Variants in TNFSF9 observed in about 807,000 individuals in gnomAD.
TNFSF9 encodes TNF superfamily member 9, also known as tumor necrosis factor ligand superfamily member 9.
TNFSF9 carries 10 observed loss-of-function variants against 10.3 expected under a neutral mutation model. That is an observed-to-expected ratio of 0.97 (90% CI 0.60 to 1.65). TNFSF9 has a LOEUF of 1.65. Ranked by LOEUF, TNFSF9 falls within the 40% of genes most tolerant of loss-of-function variation. The pLI, the probability that TNFSF9 is intolerant of heterozygous loss-of-function variation, is 0.00. For missense variants in TNFSF9, 361 were observed against 348.9 expected (o/e 1.03, Z -0.28); for synonymous variants, 195 against 176.1 (o/e 1.11, Z -0.85).
Position 6,534,638 on chromosome 19 carries a change from C to G in TNFSF9, c.337C>G (p.Pro113Ala), listed in dbSNP as rs751654750. 4 of 1,585,164 alleles carry G rather than the reference C, an allele frequency of 2.5e-6. No individual in the cohort carries two copies. In the East Asian group the frequency reaches 9.2e-5, roughly 37 times the overall value. ...TGGGCCCCTGAGCTGGTACAGTGAC[C>G]CAGGCCTGGCAGGCGTGTCCCTGAC... ...IDGPLSWYSD[P>A]GLAGVSLTGG... The change falls in exon 3 of 3, where the codon CCA (proline) becomes GCA (alanine). Residue 113 changes from proline (P) to alanine (A), a missense_variant. By Grantham distance (27) the Pro-to-Ala change is conservative (BLOSUM62 -1). Coordinates refer to ENST00000245817, the MANE Select transcript of TNFSF9 (RefSeq NM_003811.4).
Position 6,535,922 on chromosome 19 carries a change from C to G in TNFSF9, c.*856C>G, listed in dbSNP as rs1486603395. Reference sequence around the variant, plus strand: ...TTTATAATAAACACTCATTTTTCCTCCCTCTGGAGAGTTGGTTGTTAAATT... The same window carrying G: ...TTTATAATAAACACTCATTTTTCCTGCCTCTGGAGAGTTGGTTGTTAAATT... On this transcript the variant is annotated 3_prime_UTR_variant, in exon 3 of 3. Transcript: ENST00000245817. 6.6e-6 allele frequency: 1 copy of G among 152,172 alleles called. No individual in the cohort carries two copies. The highest frequency in any genetic ancestry group is 1.5e-5 in the Non-Finnish European group (1 of 68,046). 9.4% of individuals were successfully genotyped at this position (152,172 alleles called of 1,614,324 possible). A position where few individuals can be genotyped will look rare whatever the true frequency, so the allele number is the denominator to read the frequency against.
Position 6,532,796 on chromosome 19 carries a change from C to T in TNFSF9, c.278C>T (p.Ala93Val), listed in dbSNP as rs749056775. The change falls in exon 2 of 3, where the codon GCG (alanine) becomes GTG (valine). Residue 93 changes from alanine to valine, a missense_variant. Physicochemically the swap from Ala to Val is moderately conservative, Grantham distance 64 (BLOSUM62 0). Transcript: ENST00000245817. ...TTCTACTTTTAACAGGGCATGTTTGCGCAGCTGGTGGCCCAAAATGGTAAG... is the reference window on the plus strand; with the variant it reads ...TTCTACTTTTAACAGGGCATGTTTGTGCAGCTGGTGGCCCAAAATGGTAAG... ...GLLDLRQGMF[A>V]QLVAQNVLLI... 3.1e-6 allele frequency: 5 copies of T among 1,613,644 alleles called. No homozygotes were observed. The highest frequency in any genetic ancestry group is 3.3e-5 in the Admixed American group (2 of 59,960).
chr19:6,535,059 C>T lies in TNFSF9; in HGVS notation c.758C>T (p.Ser253Leu), dbSNP rs1441783521. 7 of 1,557,086 alleles carry T rather than the reference C, an allele frequency of 4.5e-6. No individual in the cohort carries two copies. Among genetic ancestry groups the T allele is most frequent in the African/African-American group, 2.7e-5 (2 of 73,472 alleles). The change falls in exon 3 of 3, where the codon TCG (serine) becomes TTG (leucine). Residue 253 changes from serine to leucine, a missense_variant. By Grantham distance (145) the Ser-to-Leu change is moderately radical. Transcript: ENST00000245817. Reference sequence around the variant, plus strand: ...CCAGCCGGACTCCCTTCACCGAGGTCGGAATAACGTCCAGCCTGGGTGCAG... The same window carrying T: ...CCAGCCGGACTCCCTTCACCGAGGTTGGAATAACGTCCAGCCTGGGTGCAG... ...EIPAGLPSPR[S>L]E
chr19:6,532,843 C>T (rs377758173), intron 2 of TNFSF9, 27 bp downstream of exon 2: 4 of 1,613,514 alleles, frequency 2.5e-6, no homozygotes, highest in South Asian at 2.2e-5. Context: ...ACTTCCGGTC[C>T]CTGGCCCCCC....
rs372558158 is a variant in TNFSF9, at chr19:6,534,629, T to C, written c.328T>C (p.Tyr110His). Residue 110 changes from tyrosine (Y) to histidine (H), a missense_variant, in exon 3 of 3, where the codon TAC becomes CAC. Physicochemically the swap from Tyr to His is moderately conservative, Grantham distance 83 (BLOSUM62 2). Coordinates refer to ENST00000245817, the MANE Select transcript of TNFSF9 (RefSeq NM_003811.4). ...GCTGATCGATGGGCCCCTGAGCTGGTACAGTGACCCAGGCCTGGCAGGCGT... is the reference window on the plus strand; with the variant it reads ...GCTGATCGATGGGCCCCTGAGCTGGCACAGTGACCCAGGCCTGGCAGGCGT... ...VLLIDGPLSW[Y>H]SDPGLAGVSL... 1.3e-6 allele frequency: 2 copies of C among 1,581,552 alleles called. No individual in the cohort carries two copies. Among genetic ancestry groups the C allele is most frequent in the Non-Finnish European group, 1.7e-6 (2 of 1,164,394 alleles).
rs1396996641 is a variant in TNFSF9 at position 6,532,797 on chromosome 19, G to A, written c.279G>A (p.Ala93=). The A allele has an allele frequency of 7.4e-6, 12 of 1,613,638 alleles. No homozygotes were observed. Among genetic ancestry groups the A allele is most frequent in the Middle Eastern group, 1.6e-4 (1 of 6,076 alleles). The change falls in exon 2 of 3, where the codon GCG becomes GCA. Residue 93 remains alanine (A), a synonymous_variant. Transcript: ENST00000245817. ...GLLDLRQGMF[A]QLVAQNVLLI... ...TCTACTTTTAACAGGGCATGTTTGC[G>A]CAGCTGGTGGCCCAAAATGGTAAGT...
In TNFSF9 at chr19:6,531,139, C is replaced by T; in HGVS notation, c.103C>T (p.Leu35=). Residue 35 remains leucine, a synonymous_variant, in exon 1 of 3, where the codon CTG becomes TTG. Coordinates refer to ENST00000245817, the MANE Select transcript of TNFSF9 (RefSeq NM_003811.4). ...ACTGCCTTGGGCCCTGGTCGCGGGG[C>T]TGCTGCTGCTGCTGCTGCTCGCTGC... is the stretch of plus-strand genomic sequence containing the variant. ...RVLPWALVAG[L]LLLLLLAAAC... is the part of the protein sequence containing the mutation. 6.4e-7 allele frequency: 1 copy of T among 1,574,020 alleles called. No individual in the cohort carries two copies. Among genetic ancestry groups the T allele is most frequent in the Non-Finnish European group, 8.6e-7 (1 of 1,161,940 alleles).
In TNFSF9 at chr19:6,534,800, C is replaced by T; in HGVS notation, c.499C>T (p.Leu167=). The change falls in exon 3 of 3, where the codon CTG becomes TTG. Residue 167 remains leucine (L), a synonymous_variant. Transcript: ENST00000245817. ...AGGCTCCGTTTCACTTGCGCTGCAC[C>T]TGCAGCCACTGCGCTCTGCTGCTGG... ...GSGSVSLALH[L]QPLRSAAGAA... is the part of the protein sequence containing the mutation. The T allele has an allele frequency of 1.9e-6, 3 of 1,600,830 alleles. No homozygotes were observed. In the South Asian group the frequency reaches 3.4e-5, roughly 18 times the overall value.
Position 6,535,095 on chromosome 19 carries a change from C to G in TNFSF9, c.*29C>G. ...CCAGCCTGGGTGCAGCCCACCTGGA[C>G]AGAGTCCGAATCCTACTCCATCCTT... On this transcript the variant is annotated 3_prime_UTR_variant, in exon 3 of 3. Coordinates refer to ENST00000245817, the MANE Select transcript of TNFSF9 (RefSeq NM_003811.4). 4.0e-6 allele frequency: 6 copies of G among 1,499,586 alleles called. No individual in the cohort carries two copies. The highest frequency in any genetic ancestry group is 5.3e-6 in the Non-Finnish European group (6 of 1,124,022). 92.9% of individuals were successfully genotyped at this position (1,499,586 alleles called of 1,614,324 possible). A position where few individuals can be genotyped will look rare whatever the true frequency, so the allele number is the denominator to read the frequency against.
chr19:6,531,155 T>C lies in TNFSF9; in HGVS notation c.119T>C (p.Leu40Pro). 6.2e-7 allele frequency: 1 copy of C among 1,602,982 alleles called. No homozygotes were observed. The highest frequency in any genetic ancestry group is 1.7e-5 in the Admixed American group (1 of 59,134). The change falls in exon 1 of 3, where the codon CTG (leucine) becomes CCG (proline). Residue 40 changes from leucine (L) to proline (P), a missense_variant. By Grantham distance (98) the Leu-to-Pro change is moderately conservative. Coordinates refer to ENST00000245817, the MANE Select transcript of TNFSF9 (RefSeq NM_003811.4). ...GTCGCGGGGCTGCTGCTGCTGCTGC[T>C]GCTCGCTGCCGCCTGCGCCGTCTTC... ...ALVAGLLLLL[L>P]LAAACAVFLA... is the part of the protein sequence containing the mutation.
intron 2 of TNFSF9, among the ~76,000 whole-genome samples, chr19:6,533,192 C>G (rs1915185359): frequency 1.3e-5 from 2 of 150,994 alleles, no homozygotes; most frequent in Non-Finnish European, 3.0e-5. Context: ...CTCTCCCAGC[C>G]TCTCTTCCCT....
At chr19:6,532,864 C>A in intron 2 of TNFSF9, 48 bp downstream of exon 2, 1 of 1,612,708 alleles carries the variant, frequency 6.2e-7, no homozygotes, top group Non-Finnish European at 8.5e-7. Context: ...ACCATCCCCA[C>A]CCCGGGATAC....
In TNFSF9 at chr19:6,531,033, C is replaced by T. The variant is rs763754219; in HGVS notation, c.-4C>T. 8 of 1,608,386 alleles carry T rather than the reference C, an allele frequency of 5.0e-6. No individual in the cohort carries two copies. Among genetic ancestry groups the T allele is most frequent in the Admixed American group, 3.4e-5 (2 of 59,674 alleles). ...CGCGCTGTGTCTTCCCGCAGTCTCT[C>T]GTCATGGAATACGCCTCTGACGCTT... On this transcript the variant is annotated 5_prime_UTR_variant, in exon 1 of 3. Coordinates refer to ENST00000245817, the MANE Select transcript of TNFSF9 (RefSeq NM_003811.4).
intron 1 of TNFSF9, 115 bp from the exon 2 acceptor site, chr19:6,532,671 G>A (rs1173785018): frequency 5.0e-6 from 7 of 1,405,836 alleles, no homozygotes; most frequent in East Asian, 2.3e-5. Context: ...GAAGGGAAGC[G>A]TAGGCTTCAG....
chr19:6,532,698 G>A (rs1915176086), intron 1 of TNFSF9, 88 bp from the exon 2 acceptor site: 2 of 1,597,556 alleles, frequency 1.3e-6, no homozygotes, highest in Non-Finnish European at 1.7e-6. Context: ...ACAGACTCTG[G>A]GGACCCTGAC....
At chr19:6,532,637 G>T (rs3097295) in intron 1 of TNFSF9, 149 bp from the exon 2 acceptor site, 15 of 960,064 alleles carry the variant, frequency 1.6e-5, no homozygotes, top group Non-Finnish European at 6.6e-6. Context: ...GTGTGTGTGC[G>T]GTCTCTGTTC....
intron 1 of TNFSF9, among the ~76,000 whole-genome samples, chr19:6,532,062 A>C (rs1915157539): frequency 6.6e-6 from 1 of 152,038 alleles, no homozygotes; most frequent in Admixed American, 6.5e-5. Flanking sequence ...CGAGGGGGGC[A>C]CTTCCTCTTT....
Position 6,534,859 on chromosome 19 carries a change from A to G in TNFSF9, c.558A>G (p.Pro186=), listed in dbSNP as rs993366830. The G allele has an allele frequency of 1.9e-6, 3 of 1,606,352 alleles. No individual in the cohort carries two copies. The highest frequency in any genetic ancestry group is 2.5e-6 in the Non-Finnish European group (3 of 1,178,528). Residue 186 remains proline, a synonymous_variant, in exon 3 of 3, where the codon CCA becomes CCG. Transcript: ENST00000245817. The part of the protein sequence containing the change: ...AAALALTVDL[P]PASSEARNSA... ...CCCTGGCTTTGACCGTGGACCTGCC[A>G]CCCGCCTCCTCCGAGGCTCGGAACT...
chr19:6,535,051 A>T lies in TNFSF9; in HGVS notation c.750A>T (p.Ser250=). 1 of 1,566,520 alleles carries T rather than the reference A, an allele frequency of 6.4e-7. No individual in the cohort carries two copies. The highest frequency in any genetic ancestry group is 8.7e-7 in the Non-Finnish European group (1 of 1,154,162). ...CCGAAATCCCAGCCGGACTCCCTTC[A>T]CCGAGGTCGGAATAACGTCCAGCCT... The part of the protein sequence containing the change: ...VTPEIPAGLP[S]PRSE Residue 250 remains serine (S), a synonymous_variant, in exon 3 of 3, where the codon TCA becomes TCT. Transcript: ENST00000245817.
Sources: gnomAD v4.1 joint callset for allele counts (sites outside exome capture counted in the v4.1 genomes callset) on GRCh38, gnomAD v4.1.1 for gene constraint, MANE v1.5 for transcripts, NCBI Gene and HGNC (gene_info 2026-07-23, HGNC 2026-07-21) for gene names.